Variants in ZNF628 observed in about 807,000 individuals in gnomAD.
The protein encoded by ZNF628 is zinc finger protein Zec.
Under a neutral mutation model 2.5 loss-of-function variants are expected in ZNF628, and 3 were observed. The ratio of observed to expected loss-of-function variants is 1.19; its 90% confidence interval spans 0.54 to 3.07. The LOEUF (loss-of-function observed/expected upper bound fraction) is 3.07. Among genes scored for constraint, ZNF628 ranks in the 30% most tolerant of loss-of-function variants. The pLI is 0.03. For synonymous variants in ZNF628, 861 were observed against 717.1 expected (o/e 1.20, Z -3.21); for missense variants, 1,610 against 1,517.1 (o/e 1.06, Z -1.02).
Position 55,482,139 on chromosome 19 carries a change from T to A in ZNF628, c.946T>A (p.Cys316Ser), listed in dbSNP as rs1388588115. Residue 316 changes from cysteine to serine, a missense_variant, in exon 3 of 3, where the codon TGC becomes AGC. Physicochemically the swap from Cys to Ser is moderately radical, Grantham distance 112. Around this residue, in one of 5 missense-constraint regions of ZNF628, gnomAD observed 651 missense variants for 575.6 expected, o/e 1.13. Transcript: ENST00000598519. ...GGAGCTGCTCCTGGAGCACCAGCCGTGCCCCGGGCCCGATGCGGCGCCCCA... is the reference window on the plus strand; with the variant it reads ...GGAGCTGCTCCTGGAGCACCAGCCGAGCCCCGGGCCCGATGCGGCGCCCCA... ...SEELLLEHQP[C>S]PGPDAAPQPQ... The A allele has an allele frequency of 6.7e-7, 1 of 1,503,284 alleles. No individual in the cohort carries two copies. Among genetic ancestry groups the A allele is most frequent in the South Asian group, 1.2e-5 (1 of 82,240 alleles). 93.1% of individuals were successfully genotyped at this position (1,503,284 alleles called of 1,614,324 possible). A position where few individuals can be genotyped will look rare whatever the true frequency, so the allele number is the denominator to read the frequency against.
In ZNF628 at chr19:55,484,039, T is replaced by C; in HGVS notation, c.2846T>C (p.Leu949Pro). ...LSGADGEQTR[L>P]CVQEVETLPP... The stretch of plus-strand genomic sequence containing the variant: ...GGGGCCGATGGCGAACAGACTCGAC[T>C]CTGCGTACAGGAGGTAGAAACACTT... The change falls in exon 3 of 3, where the codon CTC becomes CCC. Residue 949 changes from leucine to proline, a missense_variant. Transcript: ENST00000598519. The C allele has an allele frequency of 1.3e-6, 2 of 1,595,678 alleles. No individual in the cohort carries two copies. Among genetic ancestry groups the C allele is most frequent in the Non-Finnish European group, 1.7e-6 (2 of 1,171,688 alleles).
Position 55,482,213 on chromosome 19 carries a change from C to T in ZNF628, c.1020C>T (p.Ser340=). ...CGCCCAAGGCCGACCAGCCACCGTC[C>T]CCTCTGCCGCAGCCCCCTCCTCCCG... is the stretch of plus-strand genomic sequence containing the variant. ...AEAPKADQPP[S]PLPQPPPPAA... Residue 340 remains serine, a synonymous_variant, in exon 3 of 3, where the codon TCC becomes TCT. Transcript: ENST00000598519. 1 of 1,474,622 alleles carries T rather than the reference C, an allele frequency of 6.8e-7. No individual in the cohort carries two copies. The highest frequency in any genetic ancestry group is 8.9e-7 in the Non-Finnish European group (1 of 1,119,604). The allele number at this position is 1,474,622 out of a possible 1,614,324, so 91.3% of individuals were successfully genotyped here.
rs775060096 is a variant in ZNF628 at position 55,483,813 on chromosome 19, C to G, written c.2620C>G (p.Leu874Val). 4 of 1,613,600 alleles carry G rather than the reference C, an allele frequency of 2.5e-6. No individual in the cohort carries two copies. The South Asian group carries it at 4.4e-5, about 18-fold the overall frequency. ...CCAGCTCCAGCCCGTGGCCGGCCAGCTCTCCAATTCCAGTGGGGGAGCTGT... is the reference window on the plus strand; with the variant it reads ...CCAGCTCCAGCCCGTGGCCGGCCAGGTCTCCAATTCCAGTGGGGGAGCTGT... The part of the protein sequence containing the change: ...TVQLQPVAGQ[L>V]SNSSGGAVAT... Residue 874 changes from leucine (L) to valine (V), a missense_variant, in exon 3 of 3, where the codon CTC becomes GTC. Physicochemically the swap from Leu to Val is conservative, Grantham distance 32. Transcript: ENST00000598519.
rs758686985 is a variant in ZNF628 at position 55,482,430 on chromosome 19, G to A, written c.1237G>A (p.Ala413Thr). The change falls in exon 3 of 3, where the codon GCG becomes ACG. Residue 413 changes from alanine to threonine, a missense_variant. This residue lies in a region of ZNF628 where 651 missense variants were observed against 575.6 expected (regional missense o/e 1.13). Transcript: ENST00000598519. The stretch of plus-strand genomic sequence containing the variant: ...TCAGCAGTGCCACGTGGAAGAGGCC[G>A]CGGCCGGGCGCCCGCCCCCGCAGGC... Reference protein sequence around the residue: ...AHQQCHVEEAAAGRPPPQAEA... With the variant: ...AHQQCHVEEATAGRPPPQAEA... 5.9e-6 allele frequency: 8 copies of A among 1,352,960 alleles called. No homozygotes were observed. In the African/African-American group the frequency reaches 6.2e-5, roughly 11 times the overall value. 83.8% of individuals were successfully genotyped at this position (1,352,960 alleles called of 1,614,324 possible). A position where few individuals can be genotyped will look rare whatever the true frequency, so the allele number is the denominator to read the frequency against.
At position 55,483,897 on chromosome 19, in the gene ZNF628, A is replaced by C. The variant is rs368510126; in HGVS notation, c.2704A>C (p.Thr902Pro). 1.3e-6 allele frequency: 2 copies of C among 1,598,006 alleles called. No individual in the cohort carries two copies. The highest frequency in any genetic ancestry group is 2.7e-5 in the African/African-American group (2 of 74,620). Residue 902 changes from threonine to proline, a missense_variant, in exon 3 of 3, where the codon ACT becomes CCT. By Grantham distance (38) the Thr-to-Pro change is conservative. Coordinates refer to ENST00000598519, the MANE Select transcript of ZNF628 (RefSeq NM_033113.3). ...VQSGAAEELL[T>P]GPGPGEAGDG... ...GAGCGGGGCAGCTGAGGAGTTGCTCACTGGCCCGGGCCCCGGGGAGGCGGG... is the reference window on the plus strand; with the variant it reads ...GAGCGGGGCAGCTGAGGAGTTGCTCCCTGGCCCGGGCCCCGGGGAGGCGGG...
At position 55,483,219 on chromosome 19, in the gene ZNF628, C is replaced by G. The variant is rs1475141827; in HGVS notation, c.2026C>G (p.Gln676Glu). The change falls in exon 3 of 3, where the codon CAA becomes GAA. Residue 676 changes from glutamine (Q) to glutamate (E), a missense_variant. This residue lies in a region of ZNF628 where 712 missense variants were observed against 603.6 expected (regional missense o/e 1.18). Coordinates refer to ENST00000598519, the MANE Select transcript of ZNF628 (RefSeq NM_033113.3). ...LAAARAPPAT[Q>E]DVHVLPHLQA... The stretch of plus-strand genomic sequence containing the variant: ...TGCTGCGCGGGCCCCGCCAGCCACC[C>G]AAGATGTCCACGTCCTGCCCCACCT... 1 of 1,541,572 alleles carries G rather than the reference C, an allele frequency of 6.5e-7. No homozygotes were observed. Among genetic ancestry groups the G allele is most frequent in the South Asian group, 1.2e-5 (1 of 84,476 alleles).
rs548159965 is a variant in ZNF628, at chr19:55,479,194, G to A, written c.-77-640G>A. On this transcript the variant is annotated intron_variant, in intron 1 of 2. Transcript: ENST00000598519. The surrounding 1 kb of genome is among the most constrained non-coding windows in gnomAD (Gnocchi z 5.1). ...CTGAGATGGGGTGACAGGTGACGGA[G>A]GGCAGTGAGGGAGCGAGGTATCCCG... is the stretch of plus-strand genomic sequence containing the variant. 3.9e-5 allele frequency among the ~76,000 whole-genome samples: 6 copies of A among 152,284 alleles called. No homozygotes were observed. The highest frequency in any genetic ancestry group is 1.3e-4 in the Admixed American group (2 of 15,302).
rs1305818642 is a variant in ZNF628 at position 55,482,342 on chromosome 19, G to T, written c.1149G>T (p.Gly383=). The change falls in exon 3 of 3, where the codon GGG becomes GGT. Residue 383 remains glycine, a synonymous_variant. Transcript: ENST00000598519. ...AGCACAGCCACGGGGCTGCCGGCGGGCAAGCGTTCCGCTGCGGCAGCTGCG... is the reference window on the plus strand; with the variant it reads ...AGCACAGCCACGGGGCTGCCGGCGGTCAAGCGTTCCGCTGCGGCAGCTGCG... The part of the protein sequence containing the change: ...RHQHSHGAAG[G]QAFRCGSCDG... The T allele has an allele frequency of 2.1e-6, 3 of 1,451,674 alleles. No individual in the cohort carries two copies. The highest frequency in any genetic ancestry group is 2.7e-6 in the Non-Finnish European group (3 of 1,107,532). 89.9% of individuals were successfully genotyped at this position (1,451,674 alleles called of 1,614,324 possible).
chr19:55,477,497 C>G (rs62128258), intron 1 of ZNF628, among the ~76,000 whole-genome samples: 1 of 151,728 alleles, frequency 6.6e-6, no homozygotes, highest in Non-Finnish European at 1.5e-5. Context: ...CGCGGTGGCT[C>G]ACGCCTGTAA....
rs1380102537 is a variant in ZNF628 at position 55,476,711 on chromosome 19, C to T, written c.-174C>T. On this transcript the variant is annotated 5_prime_UTR_variant, in exon 1 of 3. Coordinates refer to ENST00000598519, the MANE Select transcript of ZNF628 (RefSeq NM_033113.3). The stretch of plus-strand genomic sequence containing the variant: ...GCCCCTGCCCCCCCTCCCCGGTCCC[C>T]ACAGCTGCACCGCCGCTGCCGGGGC... The T allele has an allele frequency of 6.6e-6, 1 of 151,952 alleles. No homozygotes were observed. The highest frequency in any genetic ancestry group is 1.5e-5 in the Non-Finnish European group (1 of 67,940). The allele number at this position is 151,952 out of a possible 1,614,324, so 9.4% of individuals were successfully genotyped here. A position where few individuals can be genotyped will look rare whatever the true frequency, so the allele number is the denominator to read the frequency against.
intron 1 of ZNF628, among the ~76,000 whole-genome samples, chr19:55,477,800 T>C (rs1419699696): frequency 1.3e-5 from 2 of 152,080 alleles, no homozygotes; most frequent in Non-Finnish European, 2.9e-5. Context: ...TCTTGTAGCT[T>C]GTCCGACGGG....
Position 55,481,843 on chromosome 19 carries a change from C to G in ZNF628, c.650C>G (p.Ser217Cys), listed in dbSNP as rs1469419159. Residue 217 changes from serine to cysteine, a missense_variant, in exon 3 of 3, where the codon TCC becomes TGC. Transcript: ENST00000598519. ...TGCCCCAAGACCTTCACCCACTCCT[C>G]CAACCTGCTGCTGCACCAGCGCACG... Reference protein sequence around the residue: ...PLCPKTFTHSSNLLLHQRTHG... With the variant: ...PLCPKTFTHSCNLLLHQRTHG... The G allele has an allele frequency of 6.3e-7, 1 of 1,591,324 alleles. No homozygotes were observed. The highest frequency in any genetic ancestry group is 1.1e-5 in the South Asian group (1 of 89,002).
Position 55,483,916 on chromosome 19 carries a change from A to G in ZNF628, c.2723A>G (p.Glu908Gly). ...EELLTGPGPG[E>G]AGDGEASTGV... The stretch of plus-strand genomic sequence containing the variant: ...TTGCTCACTGGCCCGGGCCCCGGGG[A>G]GGCGGGGGATGGCGAGGCCAGCACT... The change falls in exon 3 of 3, where the codon GAG becomes GGG. Residue 908 changes from glutamate to glycine, a missense_variant. By Grantham distance (98) the Glu-to-Gly change is moderately conservative. This residue lies in a region of ZNF628 where 712 missense variants were observed against 603.6 expected (regional missense o/e 1.18). Coordinates refer to ENST00000598519, the MANE Select transcript of ZNF628 (RefSeq NM_033113.3). 1 of 1,585,290 alleles carries G rather than the reference A, an allele frequency of 6.3e-7. No individual in the cohort carries two copies. The highest frequency in any genetic ancestry group is 8.6e-7 in the Non-Finnish European group (1 of 1,164,658).
intron 2 of ZNF628, 122 bp downstream of exon 2, chr19:55,480,039 T>A (rs1286798160): frequency 2.5e-6 from 1 of 395,394 alleles, no homozygotes; most frequent in African/African-American, 2.1e-5. Flanking sequence ...GGCAAGGGGG[T>A]GCCTGTCATG....
Position 55,482,018 on chromosome 19 carries a change from C to T in ZNF628, c.825C>T (p.Pro275=), listed in dbSNP as rs1277120181. 4 of 1,480,034 alleles carry T rather than the reference C, an allele frequency of 2.7e-6. No homozygotes were observed. The highest frequency in any genetic ancestry group is 3.6e-6 in the Non-Finnish European group (4 of 1,119,258). 91.7% of individuals were successfully genotyped at this position (1,480,034 alleles called of 1,614,324 possible). A position where few individuals can be genotyped will look rare whatever the true frequency, so the allele number is the denominator to read the frequency against. Residue 275 remains proline, a synonymous_variant, in exon 3 of 3, where the codon CCC becomes CCT. Coordinates refer to ENST00000598519, the MANE Select transcript of ZNF628 (RefSeq NM_033113.3). ...PPAPPAPPPP[P]PPVVPELFLA... ...CGCCTCCCGCCCCGCCGCCCCCGCCCCCGCCCGTGGTGCCTGAGCTCTTTT... is the reference window on the plus strand; with the variant it reads ...CGCCTCCCGCCCCGCCGCCCCCGCCTCCGCCCGTGGTGCCTGAGCTCTTTT...
At chr19:55,476,894 C>T (rs1237703004) in intron 1 of ZNF628, 87 bp downstream of exon 1, 1 of 143,676 alleles carries the variant, frequency 7.0e-6, no homozygotes, top group Non-Finnish European at 1.5e-5. Context: ...GGGCGTGAAA[C>T]CGGAAGGGGT....
At position 55,483,327 on chromosome 19, in the gene ZNF628, T is replaced by C; in HGVS notation, c.2134T>C (p.Phe712Leu). The change falls in exon 3 of 3, where the codon TTC becomes CTC. Residue 712 changes from phenylalanine (F) to leucine (L), a missense_variant. Phe to Leu is a conservative substitution (Grantham distance 22, BLOSUM62 0). Transcript: ENST00000598519. ...LGPAAPNSQT[F>L]LLVQTAQGLQ... ...GCCAGCAGCGCCCAACTCTCAGACG[T>C]TCCTCCTGGTGCAAACTGCCCAGGG... 1 of 1,536,796 alleles carries C rather than the reference T, an allele frequency of 6.5e-7. No homozygotes were observed. The highest frequency in any genetic ancestry group is 8.7e-7 in the Non-Finnish European group (1 of 1,144,010).
Position 55,481,829 on chromosome 19 carries a change from C to T in ZNF628, c.636C>T (p.Thr212=), listed in dbSNP as rs770173862. The T allele has an allele frequency of 1.1e-4, 171 of 1,595,798 alleles. 1 individual carries two copies. Among genetic ancestry groups the T allele is most frequent in the Admixed American group, 2.1e-4 (12 of 58,018 alleles). The change falls in exon 3 of 3, where the codon ACC becomes ACT. Residue 212 remains threonine (T), a synonymous_variant. Coordinates refer to ENST00000598519, the MANE Select transcript of ZNF628 (RefSeq NM_033113.3). ...RPFRCPLCPK[T]FTHSSNLLLH... The stretch of plus-strand genomic sequence containing the variant: ...TCCGCTGCCCGCTCTGCCCCAAGAC[C>T]TTCACCCACTCCTCCAACCTGCTGC...
chr19:55,484,235 G>C lies in ZNF628; in HGVS notation c.3042G>C (p.Gly1014=), dbSNP rs201209790. The change falls in exon 3 of 3, where the codon GGG becomes GGC. Residue 1014 remains glycine, a synonymous_variant. Transcript: ENST00000598519. ...CAGGCCCAGCCTCGGGCCCCGCGGG[G>C]CTCCCCGGGGCTCCAGCCTCCCAGA... ...PPSGPASGPA[G]LPGAPASQMV... 1.5e-3 allele frequency: 2,285 copies of C among 1,547,602 alleles called. 11 individuals are homozygous for C. In the Middle Eastern group the frequency reaches 0.017, roughly 12 times the overall value.
Sources: gnomAD v4.1 joint callset for allele counts (sites outside exome capture counted in the v4.1 genomes callset) on GRCh38, gnomAD v4.1.1 for gene constraint, gnomAD v4.1.1 regional missense constraint, Gnocchi (gnomAD v3.1) non-coding constraint, MANE v1.5 for transcripts, NCBI Gene and HGNC (gene_info 2026-07-23, HGNC 2026-07-21) for gene names.